The following LRBA variants were observed in gnomAD, a reference collection of about 807,000 sequenced individuals.
LRBA encodes LPS responsive beige-like anchor protein.
A neutral mutation model predicts 330.0 loss-of-function variants in LRBA; 176 were observed. The ratio of observed to expected loss-of-function variants is 0.53; its 90% CI spans 0.47 to 0.60. The LOEUF is 0.60. Among genes scored for constraint, LRBA ranks in the 20% least tolerant of loss-of-function variants. The pLI, the probability that LRBA is intolerant of heterozygous loss-of-function variation, is 0.00. For missense variants in LRBA, 3,259 were observed against 3,444.8 expected (o/e 0.95, Z 1.35); for synonymous variants, 1,230 against 1,193.0 (o/e 1.03, Z -0.64).
intron 9 of LRBA, among the ~76,000 whole-genome samples, chr4:150,913,724 T>C (rs1320014355): frequency 6.6e-6 from 1 of 152,244 alleles, no homozygotes; most frequent in Non-Finnish European, 1.5e-5. Flanking sequence ...TAAGTACATA[T>C]ATTTGTTCTA....
intron 53 of LRBA, among the ~76,000 whole-genome samples, chr4:150,290,119 T>C (rs773720174): frequency 1.3e-5 from 2 of 152,172 alleles, no homozygotes; most frequent in Non-Finnish European, 2.9e-5. Context: ...AAACAAAATC[T>C]TGGAACCATA....
chr4:150,810,758 C>T (rs1270951838), intron 31 of LRBA, among the ~76,000 whole-genome samples: 1 of 152,068 alleles, frequency 6.6e-6, no homozygotes, highest in Non-Finnish European at 1.5e-5. Flanking sequence ...GATGCCACCA[C>T]ACCTGGCTAT....
At chr4:150,639,665 A>G (rs1398873205) in intron 37 of LRBA, among the ~76,000 whole-genome samples, 2 of 140,608 alleles carry the variant, frequency 1.4e-5, no homozygotes, top group South Asian at 2.3e-4. Flanking sequence ...TAGATCCTAC[A>G]TTACTTTAGA....
intron 36 of LRBA, among the ~76,000 whole-genome samples, chr4:150,686,816 T>A (rs970165828): frequency 6.6e-6 from 1 of 152,254 alleles, no homozygotes. Flanking sequence ...GTCATTTCTA[T>A]CTCTTATTAA....
intron 33 of LRBA, among the ~76,000 whole-genome samples, chr4:150,802,219 CAA>C (rs1268001116): frequency 1.3e-4 from 7 of 54,702 alleles, no homozygotes; most frequent in East Asian, 6.1e-4. Context: ...GACTCAGTCT[CAA>C]AAAAAAAAAA....
At chr4:150,492,067 G>A (rs772339464) in intron 40 of LRBA, among the ~76,000 whole-genome samples, 2 of 151,210 alleles carry the variant, frequency 1.3e-5, no homozygotes, top group Non-Finnish European at 2.9e-5. Context: ...AAAATAACGA[G>A]TAGTAAAAAT....
chr4:150,868,032 T>G, intron 21 of LRBA, 150 bp downstream of exon 21: 1 of 917,534 alleles, frequency 1.1e-6, no homozygotes, highest in Non-Finnish European at 1.6e-6. Context: ...AATTCTAACT[T>G]AACTATGTGG....
At chr4:150,739,024 A>G (rs1731593011) in intron 35 of LRBA, among the ~76,000 whole-genome samples, 2 of 152,180 alleles carry the variant, frequency 1.3e-5, no homozygotes, top group South Asian at 4.1e-4. Flanking sequence ...CACAATTTCA[A>G]TATAAGGTTA....
intron 17 of LRBA, among the ~76,000 whole-genome samples, chr4:150,884,955 CA>C (rs1165081827): frequency 7.3e-5 from 11 of 151,402 alleles, no homozygotes; most frequent in Non-Finnish European, 1.3e-4. Flanking sequence ...AATGAGTTCT[CA>C]AAAAAGTATA....
chr4:150,636,781 G>C (rs962867582), intron 37 of LRBA, among the ~76,000 whole-genome samples: 15 of 152,042 alleles, frequency 9.9e-5, no homozygotes, highest in African/African-American at 3.6e-4. Flanking sequence ...CCAAGTAATT[G>C]GCACCACAGA....
At chr4:150,559,904 AT>A (rs1561352714) in intron 40 of LRBA, among the ~76,000 whole-genome samples, 105 of 67,784 alleles carry the variant, frequency 1.5e-3, no homozygotes, top group Non-Finnish European at 2.0e-3. Context: ...ATTATATATA[AT>A]TATATATAAT....
intron 37 of LRBA, among the ~76,000 whole-genome samples, chr4:150,608,504 C>T (rs950458141): frequency 4.6e-5 from 7 of 152,068 alleles, no homozygotes; most frequent in Non-Finnish European, 7.4e-5. Context: ...AAGCAGTCAG[C>T]GGGCACCATT....
rs551081399 is a variant in LRBA, at chr4:150,860,598, C to A, written c.2766+7073G>T. Among the ~76,000 whole-genome samples, 162 of 152,198 alleles carry A rather than the reference C, an allele frequency of 1.1e-3. 2 individuals are homozygous for A. The highest frequency in any genetic ancestry group is 2.5e-3 in the South Asian group (12 of 4,820). On this transcript the variant is annotated intron_variant, in intron 22 of 56. Transcript: ENST00000651943. ...ATCCCAGCATTTTGGGAGGCTGAGGCGCGTGGATCACGAGGTCAGGAGATC... is the reference window on the plus strand; with the variant it reads ...ATCCCAGCATTTTGGGAGGCTGAGGAGCGTGGATCACGAGGTCAGGAGATC...
chr4:150,351,822 T>C (rs977387636), intron 47 of LRBA, among the ~76,000 whole-genome samples: 1 of 152,250 alleles, frequency 6.6e-6, no homozygotes, highest in Non-Finnish European at 1.5e-5. Flanking sequence ...ACTATGTTTT[T>C]TCCTATACAT....
At chr4:150,691,035 T>C (rs1264050928) in intron 36 of LRBA, among the ~76,000 whole-genome samples, 1 of 150,704 alleles carries the variant, frequency 6.6e-6, no homozygotes, top group Non-Finnish European at 1.5e-5. Context: ...GTTCACGCCA[T>C]TCTCCTGCCT....
intron 2 of LRBA, among the ~76,000 whole-genome samples, chr4:150,948,755 T>TA (rs548853085): frequency 2.7e-5 from 4 of 150,188 alleles, no homozygotes; most frequent in Admixed American, 6.6e-5. Flanking sequence ...AAGTCAAGAG[T>TA]AAAAAAAATC....
intron 17 of LRBA, among the ~76,000 whole-genome samples, chr4:150,885,685 A>G (rs1028559817): frequency 1.2e-4 from 19 of 152,174 alleles, no homozygotes; most frequent in African/African-American, 4.6e-4. Flanking sequence ...AAGACAATGA[A>G]AAAAACCTTA....
At chr4:150,834,510 G>T (rs1199746153) in intron 28 of LRBA, among the ~76,000 whole-genome samples, 1 of 152,152 alleles carries the variant, frequency 6.6e-6, no homozygotes, top group Non-Finnish European at 1.5e-5. Flanking sequence ...GTAATAATTT[G>T]AAAAGACTCT....
chr4:150,371,450 C>A (rs1740306854), intron 47 of LRBA, among the ~76,000 whole-genome samples: 1 of 151,952 alleles, frequency 6.6e-6, no homozygotes, highest in South Asian at 2.1e-4. Flanking sequence ...GCCTCGGTCT[C>A]CAAAGTGTCA....
Sources: allele counts gnomAD v4.1 joint callset (sites outside exome capture counted in the v4.1 genomes callset), GRCh38; gene constraint gnomAD v4.1.1; transcripts MANE v1.5; gene names NCBI Gene and HGNC (gene_info 2026-07-23, HGNC 2026-07-21).